Variants in L3HYPDH observed in about 807,000 individuals in gnomAD.
L3HYPDH encodes the protein trans-3-hydroxy-L-proline dehydratase.
In L3HYPDH, 32 loss-of-function variants were observed where a neutral mutation model predicts 26.5. The observed-to-expected ratio is 1.21, with a 90% CI of 0.91 to 1.62. The LOEUF (loss-of-function observed/expected upper bound fraction) is 1.62, where lower values mean the gene tolerates loss of function less well. Among genes scored for constraint, L3HYPDH ranks in the 40% most tolerant of loss-of-function variants. The probability of loss-of-function intolerance (pLI) is 0.00; values close to 1 mark genes in which losing one functional copy is unlikely to be tolerated. For missense variants in L3HYPDH, 554 were observed against 476.4 expected, an observed-to-expected ratio of 1.16 and a Z score of -1.52; for synonymous variants, 215 against 196.6, an observed-to-expected ratio of 1.09 and a Z score of -0.78.
In L3HYPDH at chr14:59,474,724, T is replaced by A. The variant is rs138065988; in HGVS notation, c.939+1145A>T. 1,835 of 439,146 alleles carry A rather than the reference T, an allele frequency of 4.2e-3. 28 individuals carry two copies. The highest frequency in any genetic ancestry group is 0.031 in the African/African-American group (1,536 of 49,346). The allele number at this position is 439,146 out of a possible 1,614,324, so 27.2% of individuals were successfully genotyped here. A position where few individuals can be genotyped will look rare whatever the true frequency, so the allele number is the denominator to read the frequency against. ...AAAAACGATAATAACAGCACAGTAC[T>A]GACCTTGTAGGATTCTTGTGAGGAT... On this transcript the variant is annotated intron_variant, in intron 4 of 4. Coordinates refer to ENST00000247194, the MANE Select transcript of L3HYPDH (RefSeq NM_144581.2).
chr14:59,479,088 A>T, intron 2 of L3HYPDH, 94 bp downstream of exon 2: 1 of 962,792 alleles, frequency 1.0e-6, no homozygotes, highest in African/African-American at 1.7e-5. Flanking sequence ...TTAATAATTT[A>T]AACATCATTT....
intron 1 of L3HYPDH, among the ~76,000 whole-genome samples, chr14:59,482,373 CAGGAACTACTGAG>C (rs1275447575): frequency 1.3e-5 from 2 of 152,168 alleles, no homozygotes; most frequent in Non-Finnish European, 2.9e-5. Context: ...GTGATGCTCT[CAGGAACTACTGAG>C]AGGAACTACT....
At chr14:59,503,261 C>T in the L3HYPDH span, among the ~76,000 whole-genome samples, 1,802 of 152,202 alleles carry the variant, frequency 0.012, 27 homozygotes, top group African/African-American at 0.042. Flanking sequence ...TAGTAACTAA[C>T]CTGTTGCAAA....
the L3HYPDH span, chr14:59,495,188 C>G: frequency 1.9e-6 from 3 of 1,613,146 alleles, no homozygotes; most frequent in Non-Finnish European, 2.5e-6. Context: ...GATTACGTTA[C>G]CACAGTACAC....
At chr14:59,491,570 C>T in the L3HYPDH span, among the ~76,000 whole-genome samples, 1 of 152,170 alleles carries the variant, frequency 6.6e-6, no homozygotes, top group Non-Finnish European at 1.5e-5. Flanking sequence ...GTGTTTTCAT[C>T]TTTGTAAAAT....
At chr14:59,485,296 A>G (rs548462440), upstream of L3HYPDH, among the ~76,000 whole-genome samples, 10 of 152,300 alleles carry the variant, frequency 6.6e-5, no homozygotes, top group South Asian at 2.1e-4. Context: ...TGAAATATTC[A>G]TTTTCATGTA....
chr14:59,482,299 T>C (rs527716370), intron 1 of L3HYPDH, among the ~76,000 whole-genome samples: 6 of 152,186 alleles, frequency 3.9e-5, no homozygotes, highest in Admixed American at 3.3e-4. Context: ...AAGTAGAGAA[T>C]ATAGCATTTC....
the L3HYPDH span, among the ~76,000 whole-genome samples, chr14:59,496,862 T>A: frequency 0.28 from 41,969 of 152,170 alleles, 6,863 homozygotes; most frequent in East Asian, 0.37. Context: ...TTTAAAATTA[T>A]GAGATATTAT....
At chr14:59,486,442 T>A (rs1890579710), upstream of L3HYPDH, among the ~76,000 whole-genome samples, 1 of 152,184 alleles carries the variant, frequency 6.6e-6, no homozygotes, top group African/African-American at 2.4e-5. Flanking sequence ...CATACCGGGT[T>A]AGGCTTTGAG....
At chr14:59,491,603 C>T in the L3HYPDH span, among the ~76,000 whole-genome samples, 1 of 152,162 alleles carries the variant, frequency 6.6e-6, no homozygotes, top group African/African-American at 2.4e-5. Context: ...CTGTTTCCAA[C>T]AATGTGAGTT....
chr14:59,480,941 T>A (rs1381247787), intron 1 of L3HYPDH, among the ~76,000 whole-genome samples: 1 of 152,140 alleles, frequency 6.6e-6, no homozygotes, highest in African/African-American at 2.4e-5. Flanking sequence ...CAGGTGACGG[T>A]CCCAGGGTTC....
In L3HYPDH at chr14:59,479,296, G is replaced by A. The variant is rs753745830; in HGVS notation, c.564C>T (p.Gly188=). The change falls in exon 2 of 5, where the codon GGC becomes GGT. Residue 188 remains glycine (G), a synonymous_variant. Coordinates refer to ENST00000247194, the MANE Select transcript of L3HYPDH (RefSeq NM_144581.2). ...HGKVMVDIAY[G]GAFYAFVTAE... is the part of the protein sequence containing the mutation. ...CAGTAACAAATGCATAAAATGCACC[G>A]CCATATGCAATGTCCACCATCACCT... 9.3e-6 allele frequency: 15 copies of A among 1,612,826 alleles called. No homozygotes were observed. Among genetic ancestry groups the A allele is most frequent in the Middle Eastern group, 1.6e-4 (1 of 6,078 alleles).
chr14:59,484,454 A>T (rs888064397), upstream of L3HYPDH: 72 of 1,377,642 alleles, frequency 5.2e-5, no homozygotes, highest in Non-Finnish European at 6.9e-5. Flanking sequence ...TAAACCCGGA[A>T]GCGAGGGAGG....
At chr14:59,486,927 G>C, upstream of L3HYPDH, 1 of 715,296 alleles carries the variant, frequency 1.4e-6, no homozygotes, top group East Asian at 2.8e-5. Flanking sequence ...AGGACCAGGC[G>C]CAGTGGCTCA....
chr14:59,486,240 C>G (rs1000309126), upstream of L3HYPDH, among the ~76,000 whole-genome samples: 3 of 152,174 alleles, frequency 2.0e-5, no homozygotes, highest in African/African-American at 7.2e-5. Flanking sequence ...ATTATGTTCT[C>G]TCTGCTTTTC....
chr14:59,483,857 G>C lies in L3HYPDH; in HGVS notation c.460C>G (p.His154Asp), dbSNP rs752369782. 1 of 1,585,724 alleles carries C rather than the reference G, an allele frequency of 6.3e-7. No homozygotes were observed. Among genetic ancestry groups the C allele is most frequent in the South Asian group, 1.1e-5 (1 of 88,690 alleles). The change falls in exon 1 of 5, where the codon CAC becomes GAC. Residue 154 changes from histidine (H) to aspartate (D), a missense_variant. Transcript: ENST00000247194. ...ACGCTGTGGAAGCGCACCGGTCCGT[G>C]GCTGCGGCCGTCCTCGCATGCCACG... ...AFVACEDGRS[H>D]GPVRFHSVPA... is the part of the protein sequence containing the mutation.
chr14:59,469,038 AGAG>A (rs1889254328), downstream of L3HYPDH, among the ~76,000 whole-genome samples: 1 of 152,178 alleles, frequency 6.6e-6, no homozygotes, highest in South Asian at 2.1e-4. Context: ...TCCAAGAAGA[AGAG>A]AAGTCAGAGC....
the L3HYPDH span, chr14:59,495,371 C>CCT: frequency 1.7e-6 from 1 of 597,428 alleles, no homozygotes; most frequent in Non-Finnish European, 3.0e-6. Flanking sequence ...ATGTAAACAG[C>CCT]CTCTTGTAAC....
chr14:59,470,441 C>A (rs930424458), downstream of L3HYPDH, among the ~76,000 whole-genome samples: 16 of 152,176 alleles, frequency 1.1e-4, no homozygotes, highest in African/African-American at 3.6e-4. Context: ...GGTGACCTAA[C>A]TCTTACTGAG....
Sources: allele counts gnomAD v4.1 joint callset (sites outside exome capture counted in the v4.1 genomes callset), GRCh38; gene constraint gnomAD v4.1.1; transcripts MANE v1.5; gene names NCBI Gene and HGNC (gene_info 2026-07-23, HGNC 2026-07-21).